The following ASXL3 variants were observed in gnomAD, a reference collection of about 807,000 sequenced individuals.
The protein encoded by ASXL3 is putative Polycomb group protein ASXL3.
In ASXL3, 34 loss-of-function variants were observed where a neutral mutation model predicts 170.6. That is an observed-to-expected ratio of 0.20 (90% CI 0.15 to 0.27). ASXL3 has a LOEUF of 0.27. ASXL3 is among the 10% of genes least tolerant of loss of function. The pLI, the probability that ASXL3 is intolerant of heterozygous loss-of-function variation, is 1.00. For synonymous variants in ASXL3, 1,002 were observed against 989.1 expected (o/e 1.01, Z -0.24); for missense variants, 2,592 against 2,695.3 (o/e 0.96, Z 0.85).
intron 7 of ASXL3, among the ~76,000 whole-genome samples, chr18:33,676,285 T>G (rs2066429763): frequency 6.6e-6 from 1 of 150,638 alleles, no homozygotes; most frequent in African/African-American, 2.4e-5. Context: ...AACCTCGACG[T>G]TCTCCTGAGA....
chr18:33,648,514 A>G (rs952209199), intron 4 of ASXL3, among the ~76,000 whole-genome samples: 2 of 152,092 alleles, frequency 1.3e-5, no homozygotes, highest in African/African-American at 4.8e-5. Context: ...TCAGGAGCTC[A>G]GTTCTGGACA....
At chr18:33,725,766 G>A (rs2067339804) in intron 8 of ASXL3, among the ~76,000 whole-genome samples, 2 of 152,050 alleles carry the variant, frequency 1.3e-5, no homozygotes, top group South Asian at 4.1e-4. Context: ...CTGTTCTGAT[G>A]TTTGGTGCCA....
chr18:33,681,776 A>G (rs8094018), intron 7 of ASXL3, among the ~76,000 whole-genome samples: 1 of 150,828 alleles, frequency 6.6e-6, no homozygotes, highest in African/African-American at 2.5e-5. Context: ...TGTTTTTTTT[A>G]AAATTCAGAA....
At chr18:33,596,816 C>T (rs2065131606) in intron 1 of ASXL3, among the ~76,000 whole-genome samples, 1 of 152,050 alleles carries the variant, frequency 6.6e-6, no homozygotes, top group Non-Finnish European at 1.5e-5. Context: ...TTCATTCATT[C>T]ATTCATTTAC....
intron 8 of ASXL3, among the ~76,000 whole-genome samples, chr18:33,727,154 G>T (rs916958754): frequency 5.9e-5 from 9 of 151,910 alleles, no homozygotes; most frequent in Non-Finnish European, 1.2e-4. Flanking sequence ...TCTGTAGAAT[G>T]AAATCTAGAT....
chr18:33,711,138 T>C (rs562479164), intron 8 of ASXL3, among the ~76,000 whole-genome samples: 40 of 152,344 alleles, frequency 2.6e-4, no homozygotes, highest in African/African-American at 9.6e-4. Context: ...TATTCTTGCA[T>C]TGATTTCTAA....
intron 8 of ASXL3, 95 bp downstream of exon 8, chr18:33,683,663 G>A: frequency 8.4e-7 from 1 of 1,190,198 alleles, no homozygotes; most frequent in Non-Finnish European, 1.1e-6. Context: ...TATGGATATA[G>A]TAATTTCTGT....
chr18:33,714,526 A>G (rs1423910154), intron 8 of ASXL3, among the ~76,000 whole-genome samples: 1 of 152,230 alleles, frequency 6.6e-6, no homozygotes, highest in Non-Finnish European at 1.5e-5. Flanking sequence ...TCACATTAAC[A>G]GTAACTTGCC....
At chr18:33,722,495 G>A (rs1010883849) in intron 8 of ASXL3, among the ~76,000 whole-genome samples, 1 of 152,128 alleles carries the variant, frequency 6.6e-6, no homozygotes, top group East Asian at 1.9e-4. Context: ...ATTCCTTTAA[G>A]CCAGAGCCTA....
At chr18:33,721,939 TATA>T (rs1302391825) in intron 8 of ASXL3, among the ~76,000 whole-genome samples, 7 of 152,004 alleles carry the variant, frequency 4.6e-5, no homozygotes, top group Admixed American at 2.0e-4. Context: ...GCATTTTTAT[TATA>T]ATATATTTCA....
At chr18:33,624,283 A>G (rs2047702484) in intron 2 of ASXL3, among the ~76,000 whole-genome samples, 1 of 151,958 alleles carries the variant, frequency 6.6e-6, no homozygotes, top group African/African-American at 2.4e-5. Flanking sequence ...TTTGGATCTT[A>G]TTTGTAACTC....
At chr18:33,584,682 C>T (rs1448826508) in intron 1 of ASXL3, among the ~76,000 whole-genome samples, 1 of 152,056 alleles carries the variant, frequency 6.6e-6, no homozygotes, top group Non-Finnish European at 1.5e-5. Context: ...ACATAGAGCA[C>T]TCTGTTCCCT....
chr18:33,670,809 A>C lies in ASXL3; in HGVS notation c.595+19A>C. 1.1e-4 allele frequency: 156 copies of C among 1,475,938 alleles called. No homozygotes were observed. Among genetic ancestry groups the C allele is most frequent in the Non-Finnish European group, 1.3e-4 (144 of 1,094,182 alleles). 91.4% of individuals were successfully genotyped at this position (1,475,938 alleles called of 1,614,324 possible). ...CCTTCAGGTAAAGAGCTGAAATATC[A>C]TATGCTTGGCCAGTTTCTTCCTGGA... On this transcript the variant is annotated intron_variant, in intron 6 of 11. Coordinates refer to ENST00000269197, the MANE Select transcript of ASXL3 (RefSeq NM_030632.3).
At chr18:33,621,938 T>C (rs1322921158) in intron 2 of ASXL3, among the ~76,000 whole-genome samples, 1 of 152,166 alleles carries the variant, frequency 6.6e-6, no homozygotes, top group Non-Finnish European at 1.5e-5. Flanking sequence ...TGAATTTTCC[T>C]TCTGTTTCTC....
chr18:33,628,584 A>G (rs1398742618), intron 2 of ASXL3, among the ~76,000 whole-genome samples: 1 of 152,156 alleles, frequency 6.6e-6, no homozygotes. Flanking sequence ...AAAATGAAGT[A>G]AAGATACCCC....
At chr18:33,643,924 T>C (rs533013648) in intron 2 of ASXL3, among the ~76,000 whole-genome samples, 2 of 151,824 alleles carry the variant, frequency 1.3e-5, no homozygotes, top group African/African-American at 2.4e-5. Context: ...TGACCAGATA[T>C]TGATATTTCG....
intron 1 of ASXL3, among the ~76,000 whole-genome samples, chr18:33,602,926 C>T (rs2065200149): frequency 1.3e-5 from 2 of 151,448 alleles, no homozygotes; most frequent in African/African-American, 4.9e-5. Context: ...AATCGTTTAC[C>T]TTGGACATGA....
intron 5 of ASXL3, among the ~76,000 whole-genome samples, chr18:33,670,361 T>C (rs573209855): frequency 6.6e-6 from 1 of 152,292 alleles, no homozygotes; most frequent in Admixed American, 6.5e-5. Flanking sequence ...GACTTGGGAG[T>C]CATAGTTTCA....
intron 9 of ASXL3, among the ~76,000 whole-genome samples, chr18:33,732,619 G>T (rs2067470464): frequency 6.6e-6 from 1 of 152,040 alleles, no homozygotes; most frequent in Non-Finnish European, 1.5e-5. Context: ...ACTCTGGGAG[G>T]CCTAGGCAGG....
Sources: allele counts gnomAD v4.1 joint callset (sites outside exome capture counted in the v4.1 genomes callset), GRCh38; gene constraint gnomAD v4.1.1; transcripts MANE v1.5; gene names NCBI Gene and HGNC (gene_info 2026-07-23, HGNC 2026-07-21).